Variants in RPN2 observed in about 807,000 individuals in gnomAD.
RPN2 encodes dolichyl-diphosphooligosaccharide--protein glycosyltransferase subunit 2.
RPN2 carries 29 observed loss-of-function variants against 71.4 expected under a neutral mutation model. The ratio of observed to expected loss-of-function variants is 0.41; its 90% confidence interval spans 0.30 to 0.55. RPN2 has a LOEUF of 0.55. Among genes scored for constraint, RPN2 ranks in the 20% least tolerant of loss-of-function variants. The pLI is 0.35. For synonymous variants in RPN2, 308 were observed against 305.0 expected (o/e 1.01, Z -0.10); for missense variants, 726 against 774.1 (o/e 0.94, Z 0.74).
intron 12 of RPN2, among the ~76,000 whole-genome samples, chr20:37,229,180 A>G (rs1477294018): frequency 3.3e-5 from 5 of 152,254 alleles, no homozygotes; most frequent in African/African-American, 1.2e-4. Context: ...TACAATGTGC[A>G]AAATGCTAAT....
chr20:37,207,487 T>A (rs1184760638), intron 7 of RPN2, 38 bp downstream of exon 7: 2 of 1,582,868 alleles, frequency 1.3e-6, no homozygotes, highest in Non-Finnish European at 1.7e-6. Flanking sequence ...CCTCTGATTA[T>A]CATTCCTAGT....
chr20:37,207,713 G>A (rs1263892106), intron 7 of RPN2, among the ~76,000 whole-genome samples: 4 of 152,116 alleles, frequency 2.6e-5, no homozygotes. Context: ...ACAGAGTCTT[G>A]CTCTGTCACC....
Position 37,241,372 on chromosome 20 carries a change from C to T in RPN2, c.*57C>T, listed in dbSNP as rs1173937525. 6.4e-7 allele frequency: 1 copy of T among 1,574,144 alleles called. No individual in the cohort carries two copies. The highest frequency in any genetic ancestry group is 1.1e-5 in the South Asian group (1 of 89,320). On this transcript the variant is annotated 3_prime_UTR_variant, in exon 17 of 17. Coordinates refer to ENST00000237530, the MANE Select transcript of RPN2 (RefSeq NM_002951.5). ...GAATGTCAAGAAAAGGAGTCAAGAA[C>T]AATTCACAGTATGAGAAGAAAAATG...
intron 4 of RPN2, chr20:37,200,440 C>G (rs778988540): frequency 3.8e-6 from 2 of 531,146 alleles, no homozygotes; most frequent in Non-Finnish European, 3.9e-6. Flanking sequence ...CACTGCAAAC[C>G]CTGAAGGAGG....
intron 9 of RPN2, among the ~76,000 whole-genome samples, chr20:37,215,633 CT>C (rs2067787954): frequency 6.6e-6 from 1 of 152,070 alleles, no homozygotes; most frequent in Non-Finnish European, 1.5e-5. Flanking sequence ...TTTCTTTTCA[CT>C]TCTACCTTCT....
chr20:37,190,391 A>G (rs1036716523), intron 2 of RPN2, among the ~76,000 whole-genome samples: 1 of 152,214 alleles, frequency 6.6e-6, no homozygotes, highest in Admixed American at 6.5e-5. Context: ...CGCTGAAGTC[A>G]GAGTGGTTGC....
At chr20:37,224,770 T>C (rs2068040270) in intron 10 of RPN2, among the ~76,000 whole-genome samples, 1 of 152,122 alleles carries the variant, frequency 6.6e-6, no homozygotes, top group Non-Finnish European at 1.5e-5. Context: ...CAGAAGACAG[T>C]AGGGTGAACC....
chr20:37,228,830 C>T, intron 12 of RPN2, 86 bp downstream of exon 12: 1 of 1,281,712 alleles, frequency 7.8e-7, no homozygotes. Context: ...TGGGGCTCTT[C>T]ACCTTCGCCT....
chr20:37,214,517 T>C (rs2067759375), intron 9 of RPN2, among the ~76,000 whole-genome samples: 1 of 152,178 alleles, frequency 6.6e-6, no homozygotes, highest in Non-Finnish European at 1.5e-5. Context: ...TAGATAGAAG[T>C]TTATTTAAGA....
At chr20:37,216,716 C>G (rs1333117998) in intron 9 of RPN2, among the ~76,000 whole-genome samples, 1 of 152,112 alleles carries the variant, frequency 6.6e-6, no homozygotes, top group East Asian at 1.9e-4. Flanking sequence ...CCTGCTTTGG[C>G]CCACCGACGT....
intron 1 of RPN2, among the ~76,000 whole-genome samples, chr20:37,183,460 C>T (rs1274995412): frequency 1.3e-5 from 2 of 152,152 alleles, no homozygotes; most frequent in African/African-American, 4.8e-5. Flanking sequence ...TCAGGTGATC[C>T]ACCTGCCTCG....
At chr20:37,219,212 C>A (rs1367035374) in intron 9 of RPN2, among the ~76,000 whole-genome samples, 3 of 152,126 alleles carry the variant, frequency 2.0e-5, no homozygotes, top group African/African-American at 7.2e-5. Flanking sequence ...TTTTCGCCAT[C>A]GTAGTGGGTA....
intron 9 of RPN2, 68 bp downstream of exon 9, chr20:37,213,933 TATTA>T: frequency 8.7e-7 from 1 of 1,152,246 alleles, no homozygotes; most frequent in Non-Finnish European, 1.3e-6. Flanking sequence ...ATTGACACAG[TATTA>T]ATTGTCTGGT....
chr20:37,225,443 C>G (rs1456968555), intron 10 of RPN2, among the ~76,000 whole-genome samples: 3 of 152,142 alleles, frequency 2.0e-5, no homozygotes, highest in East Asian at 1.9e-4. Context: ...CCCAGAGGTA[C>G]AAGCATCTGT....
intron 8 of RPN2, 113 bp downstream of exon 8, chr20:37,210,278 A>T (rs2067625666): frequency 1.9e-6 from 3 of 1,572,502 alleles, no homozygotes; most frequent in East Asian, 2.2e-5. Flanking sequence ...ATCTACTGGT[A>T]TCGAAAGCCT....
At chr20:37,197,109 G>A (rs1275570351) in intron 2 of RPN2, among the ~76,000 whole-genome samples, 1 of 152,148 alleles carries the variant, frequency 6.6e-6, no homozygotes, top group Non-Finnish European at 1.5e-5. Context: ...GCGAGAGCGT[G>A]GTATAGCTGC....
intron 13 of RPN2, among the ~76,000 whole-genome samples, chr20:37,230,369 G>A (rs963366452): frequency 2.6e-5 from 4 of 152,182 alleles, no homozygotes; most frequent in South Asian, 2.1e-4. Context: ...TGGTTCTAGC[G>A]TTTATCCTCC....
intron 16 of RPN2, among the ~76,000 whole-genome samples, chr20:37,237,359 CTT>C (rs1237709158): frequency 2.6e-5 from 4 of 152,140 alleles, no homozygotes; most frequent in African/African-American, 9.7e-5. Context: ...ATTGATTTGA[CTT>C]TATTAGAACC....
chr20:37,193,026 G>A (rs2067179233), intron 2 of RPN2, among the ~76,000 whole-genome samples: 1 of 152,156 alleles, frequency 6.6e-6, no homozygotes, highest in African/African-American at 2.4e-5. Context: ...TACTCAGGAG[G>A]CTGAGGATGG....
Sources: gnomAD v4.1 joint callset for allele counts (sites outside exome capture counted in the v4.1 genomes callset) on GRCh38, gnomAD v4.1.1 for gene constraint, MANE v1.5 for transcripts, NCBI Gene and HGNC (gene_info 2026-07-23, HGNC 2026-07-21) for gene names.